The following DAGLB variants were observed in gnomAD, a reference collection of about 807,000 sequenced individuals.
The protein encoded by DAGLB is diacylglycerol lipase-beta.
Under a neutral mutation model 72.1 loss-of-function variants are expected in DAGLB, and 66 were observed. The ratio of observed to expected loss-of-function variants is 0.92; its 90% CI spans 0.75 to 1.12. The LOEUF is 1.12. Ranked by LOEUF, DAGLB falls within the 50% of genes most tolerant of loss-of-function variation. The probability of loss-of-function intolerance (pLI) is 0.00; values close to 1 mark genes in which losing one functional copy is unlikely to be tolerated. For synonymous variants in DAGLB, 414 were observed against 359.5 expected, an observed-to-expected ratio of 1.15 and a Z score of -1.71; for missense variants, 1,065 against 884.9, an observed-to-expected ratio of 1.20 and a Z score of -2.58.
At chr7:6,430,333 G>A in intron 6 of DAGLB, 147 bp downstream of exon 6, 1 of 910,740 alleles carries the variant, frequency 1.1e-6, no homozygotes, top group Non-Finnish European at 1.4e-6. Context: ...TACAGCGCAT[G>A]TGACCAGATG....
intron 11 of DAGLB, 43 bp downstream of exon 11, chr7:6,416,584 C>T (rs1783924032): frequency 6.4e-7 from 1 of 1,555,078 alleles, no homozygotes; most frequent in Non-Finnish European, 8.7e-7. Flanking sequence ...GACCACATGA[C>T]TTGTAAGTAG....
At chr7:6,442,978 C>T (rs897010365) in intron 2 of DAGLB, among the ~76,000 whole-genome samples, 2 of 149,550 alleles carry the variant, frequency 1.3e-5, no homozygotes, top group Non-Finnish European at 1.5e-5. Flanking sequence ...TGGAGACCAT[C>T]CTGGCTAACA....
intron 7 of DAGLB, among the ~76,000 whole-genome samples, chr7:6,425,703 T>C (rs566042653): frequency 6.6e-6 from 1 of 152,244 alleles, no homozygotes; most frequent in South Asian, 2.1e-4. Context: ...GCGGCATTAA[T>C]ACTGAGGGAT....
In DAGLB at chr7:6,446,312, C is replaced by CA. The variant is rs11315985; in HGVS notation, c.96-209dup. ...TGAAACCCTGTCTCTACGAAAAATA[C>CA]AAAAAAAAAAAAAAAAATAGCTGGG... On this transcript the variant is annotated intron_variant, in intron 1 of 14. Coordinates refer to ENST00000297056, the MANE Select transcript of DAGLB (RefSeq NM_139179.4). Among the ~76,000 whole-genome samples, 580 of 123,392 alleles carry CA rather than the reference C, an allele frequency of 4.7e-3. 10 individuals are homozygous for CA. The highest frequency in any genetic ancestry group is 9.4e-3 in the East Asian group (39 of 4,152). The allele number at this position is 123,392 out of a possible 152,430, so 80.9% of individuals were successfully genotyped here.
At chr7:6,411,836 C>G (rs1783739312) in intron 13 of DAGLB, among the ~76,000 whole-genome samples, 1 of 152,178 alleles carries the variant, frequency 6.6e-6, no homozygotes, top group South Asian at 2.1e-4. Flanking sequence ...TGTCCCCACT[C>G]TCTGCCATGA....
rs542134431 is a variant in DAGLB, at chr7:6,434,644, C to A, written c.678+118G>T. On this transcript the variant is annotated intron_variant, in intron 4 of 14. Coordinates refer to ENST00000297056, the MANE Select transcript of DAGLB (RefSeq NM_139179.4). ...AGACAGAGGGTCTCCGGCCACCCCC[C>A]ACACACCCAAAGACACCAGGTTCTC... The A allele has an allele frequency of 6.6e-6, 10 of 1,518,884 alleles. No individual in the cohort carries two copies. The South Asian group carries it at 8.9e-5, about 14-fold the overall frequency. 94.1% of individuals were successfully genotyped at this position (1,518,884 alleles called of 1,614,324 possible). A position where few individuals can be genotyped will look rare whatever the true frequency, so the allele number is the denominator to read the frequency against.
At chr7:6,417,100 T>A (rs760660946) in intron 9 of DAGLB, 179 bp from the exon 10 acceptor site, 11 of 673,222 alleles carry the variant, frequency 1.6e-5, no homozygotes, top group Non-Finnish European at 2.2e-5. Flanking sequence ...GCACAGCGCC[T>A]GACGTGAAGC....
Position 6,445,953 on chromosome 7 carries a change from C to G in DAGLB, c.247G>C (p.Gly83Arg). The G allele has an allele frequency of 6.3e-7, 1 of 1,583,448 alleles. No homozygotes were observed. The highest frequency in any genetic ancestry group is 8.6e-7 in the Non-Finnish European group (1 of 1,168,282). ...TCAAATAGAAAAGGCTACTTTTTACCTCTCATGCTGACACACATGATGGCT... is the reference window on the plus strand; with the variant it reads ...TCAAATAGAAAAGGCTACTTTTTACGTCTCATGCTGACACACATGATGGCT... ...VSAIMCVSMR[G>R]TICNPGPRKS... is the part of the protein sequence containing the mutation. The change falls in exon 2 of 15, where the codon GGA becomes CGA. Residue 83 changes from glycine to arginine, a missense_variant and splice_region_variant. By Grantham distance (125) the Gly-to-Arg change is moderately radical. Transcript: ENST00000297056.
intron 7 of DAGLB, 124 bp from the exon 8 acceptor site, chr7:6,424,959 C>G: frequency 1.2e-6 from 1 of 865,848 alleles, no homozygotes. Context: ...GAGGGGACAC[C>G]GCCTCTCCAC....
intron 2 of DAGLB, among the ~76,000 whole-genome samples, chr7:6,438,241 T>C (rs1414737161): frequency 1.3e-5 from 2 of 152,018 alleles, no homozygotes; most frequent in Admixed American, 6.6e-5. Context: ...TTAGGAGATA[T>C]ACCTAATGTA....
chr7:6,424,704 C>G, intron 8 of DAGLB, 48 bp downstream of exon 8: 9 of 1,589,844 alleles, frequency 5.7e-6, no homozygotes, highest in Non-Finnish European at 7.8e-6. Flanking sequence ...TGTGGGCTCC[C>G]GCTCCCGCAC....
intron 8 of DAGLB, chr7:6,422,334 G>A (rs12537483): frequency 0.16 from 41,723 of 253,878 alleles, 4,055 homozygotes; most frequent in East Asian, 0.21. Context: ...GACAGGCGGC[G>A]TCCTCCCAAC....
chr7:6,432,889 C>T lies in DAGLB; in HGVS notation c.749G>A (p.Arg250Lys). Residue 250 changes from arginine (R) to lysine (K), a missense_variant, in exon 5 of 15, where the codon AGG becomes AAG. By Grantham distance (26) the Arg-to-Lys change is conservative (BLOSUM62 2). Transcript: ENST00000297056. ...CACCTGGGCAGGCTCTTGGTTGTTCCTGATATTGTCCTGTTGCTGATGAAG... is the reference window on the plus strand; with the variant it reads ...CACCTGGGCAGGCTCTTGGTTGTTCTTGATATTGTCCTGTTGCTGATGAAG... ...ALLHQQQDNIRNNQEPAQVVC... is the reference protein window; with the variant it reads ...ALLHQQQDNIKNNQEPAQVVC... 6.2e-7 allele frequency: 1 copy of T among 1,613,918 alleles called. No individual in the cohort carries two copies. Among genetic ancestry groups the T allele is most frequent in the Non-Finnish European group, 8.5e-7 (1 of 1,180,014 alleles).
intron 6 of DAGLB, among the ~76,000 whole-genome samples, chr7:6,428,900 G>A (rs145251225): frequency 2.2e-3 from 334 of 152,238 alleles, no homozygotes; most frequent in Middle Eastern, 0.014. Flanking sequence ...AGCCTCCTGG[G>A]CTCAAGTGTT....
intron 4 of DAGLB, among the ~76,000 whole-genome samples, chr7:6,434,003 A>G: frequency 6.6e-6 from 1 of 152,120 alleles, no homozygotes. Flanking sequence ...CACTTCTTTA[A>G]GTTACTGAGG....
At chr7:6,440,328 G>A (rs1371395262) in intron 2 of DAGLB, among the ~76,000 whole-genome samples, 1 of 151,458 alleles carries the variant, frequency 6.6e-6, no homozygotes, top group African/African-American at 2.4e-5. Context: ...AGGTTGCGGT[G>A]AGCCGAGATC....
At chr7:6,441,742 T>C (rs1250806912) in intron 2 of DAGLB, among the ~76,000 whole-genome samples, 1 of 152,170 alleles carries the variant, frequency 6.6e-6, no homozygotes, top group Non-Finnish European at 1.5e-5. Flanking sequence ...TAATAAGGCA[T>C]ATAATGTTAT....
At chr7:6,417,590 G>C (rs574535359) in intron 9 of DAGLB, 1 of 152,112 alleles carries the variant, frequency 6.6e-6, no homozygotes, top group Non-Finnish European at 1.5e-5. Context: ...TAAACATAAA[G>C]TTCTACCGCT....
intron 5 of DAGLB, among the ~76,000 whole-genome samples, chr7:6,431,363 G>A (rs908926116): frequency 6.6e-6 from 1 of 152,006 alleles, no homozygotes; most frequent in Non-Finnish European, 1.5e-5. Context: ...TCTGCCCCCA[G>A]CCCCAGAGAA....
Sources: allele counts gnomAD v4.1 joint callset (sites outside exome capture counted in the v4.1 genomes callset), GRCh38; gene constraint gnomAD v4.1.1; transcripts MANE v1.5; gene names NCBI Gene and HGNC (gene_info 2026-07-23, HGNC 2026-07-21).